The following ZCCHC7 variants were observed in gnomAD, a reference collection of about 807,000 sequenced individuals.
ZCCHC7 encodes zinc finger CCHC-type containing 7, also known as zinc finger CCHC domain-containing protein 7.
ZCCHC7 carries 35 observed loss-of-function variants against 52.0 expected under a neutral mutation model. The ratio of observed to expected loss-of-function variants is 0.67; its 90% confidence interval spans 0.51 to 0.89. The LOEUF (loss-of-function observed/expected upper bound fraction) is 0.89. Among genes scored for constraint, ZCCHC7 ranks in the 40% least tolerant of loss-of-function variants. The probability of loss-of-function intolerance (pLI) is 0.00; values close to 1 mark genes in which losing one functional copy is unlikely to be tolerated. For synonymous variants in ZCCHC7, 217 were observed against 221.5 expected (o/e 0.98, Z 0.18); for missense variants, 574 against 649.1 (o/e 0.88, Z 1.26).
At chr9:37,245,483 A>G (rs1826044046) in intron 2 of ZCCHC7, among the ~76,000 whole-genome samples, 1 of 152,032 alleles carries the variant, frequency 6.6e-6, no homozygotes, top group Admixed American at 6.6e-5. Context: ...CCAACAAACT[A>G]TTGTTGAGCA....
At chr9:37,169,585 T>C (rs1821617809) in intron 2 of ZCCHC7, among the ~76,000 whole-genome samples, 1 of 152,228 alleles carries the variant, frequency 6.6e-6, no homozygotes, top group African/African-American at 2.4e-5. Context: ...AATTTAATAG[T>C]CTTCAGAAAT....
intron 2 of ZCCHC7, among the ~76,000 whole-genome samples, chr9:37,300,421 G>C (rs1828981921): frequency 6.6e-6 from 1 of 152,188 alleles, no homozygotes; most frequent in African/African-American, 2.4e-5. Flanking sequence ...ATGGATGGTT[G>C]ATGAAGGAAT....
intron 2 of ZCCHC7, among the ~76,000 whole-genome samples, chr9:37,164,994 C>T (rs974888949): frequency 7.2e-5 from 11 of 152,178 alleles, no homozygotes; most frequent in Non-Finnish European, 1.3e-4. Context: ...TATTCCAGAT[C>T]GTGAACACGG....
chr9:37,250,266 T>C (rs950235227), intron 2 of ZCCHC7, among the ~76,000 whole-genome samples: 1 of 151,984 alleles, frequency 6.6e-6, no homozygotes, highest in Non-Finnish European at 1.5e-5. Flanking sequence ...GAAAGTCTCA[T>C]GTGTACTAGG....
intron 2 of ZCCHC7, among the ~76,000 whole-genome samples, chr9:37,139,757 GA>G (rs1435728330): frequency 6.6e-6 from 1 of 151,924 alleles, no homozygotes; most frequent in Non-Finnish European, 1.5e-5. Flanking sequence ...ACCTCAGTGT[GA>G]AAGAATGGAT....
chr9:37,290,147 G>A (rs1374045543), intron 2 of ZCCHC7, among the ~76,000 whole-genome samples: 4 of 152,158 alleles, frequency 2.6e-5, no homozygotes, highest in Admixed American at 2.0e-4. Context: ...ATCAAGGAAA[G>A]CAATGTCTAT....
rs1436500621 is a variant in ZCCHC7 at position 37,330,268 on chromosome 9, A to C, written c.987+2434A>C. Among the ~76,000 whole-genome samples, 3 of 151,922 alleles carry C rather than the reference A, an allele frequency of 2.0e-5. No individual in the cohort carries two copies. The South Asian group carries it at 6.2e-4, about 31-fold the overall frequency. On this transcript the variant is annotated intron_variant, in intron 6 of 8. Transcript: ENST00000336755. ...CTTTCAGAACTAAGAAGAAAGTTAT[A>C]GAAGTGTTCACTATTTTCAACAATT...
chr9:37,246,128 C>T (rs925706017), intron 2 of ZCCHC7, among the ~76,000 whole-genome samples: 4 of 152,038 alleles, frequency 2.6e-5, no homozygotes, highest in African/African-American at 9.7e-5. Context: ...AGACTGATTC[C>T]TTTCTAAAAT....
intron 2 of ZCCHC7, among the ~76,000 whole-genome samples, chr9:37,208,829 G>A (rs1393146950): frequency 1.3e-5 from 2 of 152,150 alleles, no homozygotes; most frequent in East Asian, 3.9e-4. Context: ...ACATAAATCA[G>A]ACAATGTCAT....
chr9:37,187,281 G>A (rs902830141), intron 2 of ZCCHC7, among the ~76,000 whole-genome samples: 9 of 152,198 alleles, frequency 5.9e-5, no homozygotes, highest in African/African-American at 2.2e-4. Context: ...ACAGGGGTCG[G>A]GGGATAGTTT....
intron 2 of ZCCHC7, among the ~76,000 whole-genome samples, chr9:37,230,909 A>G (rs1199284195): frequency 6.6e-6 from 1 of 152,036 alleles, no homozygotes; most frequent in African/African-American, 2.4e-5. Flanking sequence ...CACCACTTAC[A>G]AACGTCCTTT....
At chr9:37,205,155 G>A in intron 2 of ZCCHC7, 1 of 318,566 alleles carries the variant, frequency 3.1e-6, no homozygotes, top group South Asian at 3.3e-5. Flanking sequence ...AATTCTCTTG[G>A]CAAGAATCTT....
intron 2 of ZCCHC7, among the ~76,000 whole-genome samples, chr9:37,267,688 G>A (rs1827180853): frequency 6.7e-6 from 1 of 149,450 alleles, no homozygotes; most frequent in Admixed American, 6.8e-5. Context: ...TCCTGCCTCA[G>A]CCTCCCGAGT....
intron 6 of ZCCHC7, among the ~76,000 whole-genome samples, chr9:37,335,405 T>C (rs1830606403): frequency 6.6e-6 from 1 of 152,184 alleles, no homozygotes; most frequent in South Asian, 2.1e-4. Flanking sequence ...TTTCGTCATA[T>C]ACTAAATGTG....
At chr9:37,355,403 T>C (rs1312167245) in intron 8 of ZCCHC7, among the ~76,000 whole-genome samples, 1 of 152,236 alleles carries the variant, frequency 6.6e-6, no homozygotes, top group South Asian at 2.1e-4. Flanking sequence ...TTCCAAGTTA[T>C]CTTTCTTGCT....
intron 2 of ZCCHC7, among the ~76,000 whole-genome samples, chr9:37,298,619 A>AG (rs1425027647): frequency 6.6e-6 from 1 of 152,172 alleles, no homozygotes; most frequent in African/African-American, 2.4e-5. Context: ...TGGTTGCCTC[A>AG]GGTGGGGGAT....
intron 1 of ZCCHC7, among the ~76,000 whole-genome samples, chr9:37,122,688 C>G (rs1330241628): frequency 2.6e-5 from 4 of 152,190 alleles, no homozygotes; most frequent in Admixed American, 2.6e-4. Context: ...GCCTGTAATC[C>G]AGGCACTTTG....
intron 2 of ZCCHC7, among the ~76,000 whole-genome samples, chr9:37,179,748 T>G (rs1305464071): frequency 2.6e-5 from 4 of 152,156 alleles, no homozygotes; most frequent in Non-Finnish European, 5.9e-5. Context: ...CATTCATTTA[T>G]TTGCTGCTCA....
chr9:37,236,517 G>C (rs866760892), intron 2 of ZCCHC7, among the ~76,000 whole-genome samples: 2 of 151,592 alleles, frequency 1.3e-5, no homozygotes, highest in African/African-American at 4.9e-5. Context: ...TCAGCCTCCC[G>C]AGTAGCTGGG....
Sources: gnomAD v4.1 joint callset for allele counts (sites outside exome capture counted in the v4.1 genomes callset) on GRCh38, gnomAD v4.1.1 for gene constraint, MANE v1.5 for transcripts, NCBI Gene and HGNC (gene_info 2026-07-23, HGNC 2026-07-21) for gene names.